Variants in ANKRD11 observed in about 807,000 individuals in gnomAD.
ANKRD11 encodes the protein ankyrin repeat domain 11.
A neutral mutation model predicts 195.7 loss-of-function variants in ANKRD11; 17 were observed. That is an observed-to-expected ratio of 0.09 (90% CI 0.06 to 0.13). The LOEUF (loss-of-function observed/expected upper bound fraction) is 0.13, where lower values mean the gene tolerates loss of function less well. Among genes scored for constraint, ANKRD11 ranks in the 10% least tolerant of loss-of-function variants. The probability of loss-of-function intolerance (pLI) is 1.00; values close to 1 mark genes in which losing one functional copy is unlikely to be tolerated. For missense variants in ANKRD11, 3,735 were observed against 3,566.1 expected (o/e 1.05, Z -1.21); for synonymous variants, 1,953 against 1,528.1 (o/e 1.28, Z -6.49).
rs1052059490 is a variant in ANKRD11, at chr16:89,292,889, G to A, written c.227-1706C>T. Reference sequence around the variant, plus strand: ...CCCATGCTTTCCCTGCACCCTCCATGCTGCCCGGGGGCCGGCCCTCCCCAG... The same window carrying A: ...CCCATGCTTTCCCTGCACCCTCCATACTGCCCGGGGGCCGGCCCTCCCCAG... On this transcript the variant is annotated intron_variant, in intron 4 of 12. Coordinates refer to ENST00000301030, the MANE Select transcript of ANKRD11 (RefSeq NM_013275.6). 5.6e-4 allele frequency among the ~76,000 whole-genome samples: 86 copies of A among 152,222 alleles called. 5 individuals carry two copies. The highest frequency in any genetic ancestry group is 1.5e-5 in the Non-Finnish European group (1 of 68,042).
chr16:89,429,061 G>A (rs1016667430), intron 1 of ANKRD11, among the ~76,000 whole-genome samples: 4 of 152,202 alleles, frequency 2.6e-5, no homozygotes, highest in African/African-American at 7.2e-5. Context: ...CAGCTTCTGA[G>A]AGAACAGCAA....
intron 1 of ANKRD11, among the ~76,000 whole-genome samples, chr16:89,451,111 C>G (rs1484435793): frequency 6.6e-6 from 1 of 152,170 alleles, no homozygotes; most frequent in Non-Finnish European, 1.5e-5. Flanking sequence ...CTATGGCTGG[C>G]AAAGTTCTTT....
At chr16:89,441,691 C>G (rs1321063945) in intron 1 of ANKRD11, among the ~76,000 whole-genome samples, 1 of 137,006 alleles carries the variant, frequency 7.3e-6, no homozygotes. Context: ...GGCATGAACC[C>G]AGGAGGCGGA....
At position 89,279,763 on chromosome 16, in the gene ANKRD11, G is replaced by C; in HGVS notation, c.6779C>G (p.Ala2260Gly). The C allele has an allele frequency of 1.3e-6, 2 of 1,525,300 alleles. No homozygotes were observed. Among genetic ancestry groups the C allele is most frequent in the Non-Finnish European group, 1.8e-6 (2 of 1,139,482 alleles). The allele number at this position is 1,525,300 out of a possible 1,614,324, so 94.5% of individuals were successfully genotyped here. Reference sequence around the variant, plus strand: ...GAGGGACGCGGCGGGGGGGCCTTCAGCCTCAGCCCCCTGGTCTCCGCTCCC... The same window carrying C: ...GAGGGACGCGGCGGGGGGGCCTTCACCCTCAGCCCCCTGGTCTCCGCTCCC... ...PLGSGDQGAE[A>G]EGPPAASLCA... Residue 2260 changes from alanine to glycine, a missense_variant, in exon 9 of 13, where the codon GCT becomes GGT. Transcript: ENST00000301030. This position sits in a 1 kb window ranked among gnomAD's most constrained non-coding sequence, Gnocchi z 5.6.
intron 12 of ANKRD11, chr16:89,270,459 C>T (rs1294163620): frequency 2.6e-6 from 1 of 381,666 alleles, no homozygotes; most frequent in Non-Finnish European, 5.0e-6. Flanking sequence ...CCGCCCCTGC[C>T]CACCGCCCTG....
intron 3 of ANKRD11, among the ~76,000 whole-genome samples, chr16:89,314,123 C>T (rs2036791223): frequency 6.6e-6 from 1 of 152,076 alleles, no homozygotes; most frequent in South Asian, 2.1e-4. Context: ...GCAAGGGAGG[C>T]TGAAGTAGGA....
intron 3 of ANKRD11, among the ~76,000 whole-genome samples, chr16:89,308,324 G>A (rs1311831736): frequency 6.6e-6 from 1 of 152,166 alleles, no homozygotes; most frequent in Non-Finnish European, 1.5e-5. Context: ...TACAGAAAAG[G>A]CCTGGGATAA....
chr16:89,286,631 G>C, intron 7 of ANKRD11: 1 of 1,203,120 alleles, frequency 8.3e-7, no homozygotes, highest in South Asian at 1.5e-5. Flanking sequence ...AAAGGGTTGG[G>C]GGGACAGAAT....
At chr16:89,405,483 C>T (rs990598153) in intron 2 of ANKRD11, among the ~76,000 whole-genome samples, 2 of 151,244 alleles carry the variant, frequency 1.3e-5, no homozygotes, top group Non-Finnish European at 2.9e-5. Flanking sequence ...TGCCACCACA[C>T]CTGGCTCATT....
At chr16:89,463,100 G>A (rs1368134703) in intron 1 of ANKRD11, among the ~76,000 whole-genome samples, 1 of 150,540 alleles carries the variant, frequency 6.6e-6, no homozygotes, top group South Asian at 2.1e-4. Flanking sequence ...GAGGTGAGGG[G>A]CGCCTCTGCC....
chr16:89,318,124 G>A (rs1377025699), intron 2 of ANKRD11, among the ~76,000 whole-genome samples: 1 of 152,210 alleles, frequency 6.6e-6, no homozygotes, highest in African/African-American at 2.4e-5. Context: ...GTGGTGTGAG[G>A]CTGCCCCTCT....
intron 1 of ANKRD11, among the ~76,000 whole-genome samples, chr16:89,447,651 T>A (rs2043856589): frequency 6.6e-6 from 1 of 152,176 alleles, no homozygotes; most frequent in African/African-American, 2.4e-5. Flanking sequence ...CAGCCACCTT[T>A]GGCCCTAAGA....
At position 89,420,878 on chromosome 16, in the gene ANKRD11, C is replaced by A. The variant is rs185820502; in HGVS notation, c.-144-2510G>T. Reference sequence around the variant, plus strand: ...TTTTCTAAGGTGTGAAAAAAAGCTTCATTTAGAATACATGTTCACATCAAA... The same window carrying A: ...TTTTCTAAGGTGTGAAAAAAAGCTTAATTTAGAATACATGTTCACATCAAA... On this transcript the variant is annotated intron_variant, in intron 1 of 12. Transcript: ENST00000301030. 5.9e-5 allele frequency among the ~76,000 whole-genome samples: 9 copies of A among 152,358 alleles called. No homozygotes were observed. In the East Asian group the frequency reaches 1.5e-3, roughly 26 times the overall value.
At position 89,280,211 on chromosome 16, in the gene ANKRD11, G is replaced by A; in HGVS notation, c.6331C>T (p.His2111Tyr). ...GGCACCGGCTCCACCTGGCCGAGGT[G>A]AGACAGGCCGCGGCTGCCGTCCAGG... Reference protein sequence around the residue: ...SFLDGSRGLSHLGQVEPVPWA... With the variant: ...SFLDGSRGLSYLGQVEPVPWA... Residue 2111 changes from histidine (H) to tyrosine (Y), a missense_variant, in exon 9 of 13, where the codon CAC (histidine) becomes TAC (tyrosine). His to Tyr is a moderately conservative substitution (Grantham distance 83, BLOSUM62 2). Coordinates refer to ENST00000301030, the MANE Select transcript of ANKRD11 (RefSeq NM_013275.6). 5 of 1,608,270 alleles carry A rather than the reference G, an allele frequency of 3.1e-6. No individual in the cohort carries two copies. The highest frequency in any genetic ancestry group is 3.4e-6 in the Non-Finnish European group (4 of 1,179,272).
intron 1 of ANKRD11, among the ~76,000 whole-genome samples, chr16:89,489,586 G>A (rs2057741867): frequency 2.0e-5 from 3 of 151,890 alleles, no homozygotes; most frequent in Admixed American, 6.5e-5. Flanking sequence ...TAATAGGGAC[G>A]CTGAGAATAA....
chr16:89,425,032 C>T (rs1189151574), intron 1 of ANKRD11, among the ~76,000 whole-genome samples: 3 of 149,016 alleles, frequency 2.0e-5, no homozygotes, highest in African/African-American at 7.5e-5. Flanking sequence ...CCGAAGTGTA[C>T]AAAGGGCTCT....
At chr16:89,384,467 A>T (rs1567728782) in intron 2 of ANKRD11, among the ~76,000 whole-genome samples, 1 of 150,884 alleles carries the variant, frequency 6.6e-6, no homozygotes, top group Non-Finnish European at 1.5e-5. Context: ...GAAATGGGAC[A>T]GGACAAGATG....
chr16:89,470,640 T>C (rs2057047151), intron 1 of ANKRD11, among the ~76,000 whole-genome samples: 1 of 151,742 alleles, frequency 6.6e-6, no homozygotes, highest in African/African-American at 2.4e-5. Context: ...GGTCAGGAGA[T>C]CGAGACCATC....
intron 2 of ANKRD11, among the ~76,000 whole-genome samples, chr16:89,376,828 G>A (rs1271633873): frequency 1.3e-5 from 2 of 152,182 alleles, no homozygotes; most frequent in Admixed American, 6.5e-5. Context: ...AAAGAGAAGC[G>A]AGCACTGGGA....
Sources: gnomAD v4.1 joint callset for allele counts (sites outside exome capture counted in the v4.1 genomes callset) on GRCh38, gnomAD v4.1.1 for gene constraint, Gnocchi (gnomAD v3.1) non-coding constraint, MANE v1.5 for transcripts, NCBI Gene and HGNC (gene_info 2026-07-23, HGNC 2026-07-21) for gene names.